PEX5L: variants seen among roughly 807,000 people sequenced by gnomAD.
PEX5L encodes peroxisomal biogenesis factor 5 like.
In PEX5L, 30 loss-of-function variants were observed where a neutral mutation model predicts 84.0. That is an observed-to-expected ratio of 0.36 (90% CI 0.27 to 0.48). The LOEUF is 0.48. PEX5L is among the 20% of genes least tolerant of loss of function. The pLI is 0.99. For synonymous variants in PEX5L, 270 were observed against 283.1 expected (o/e 0.95, Z 0.46); for missense variants, 533 against 754.6 (o/e 0.71, Z 3.44).
chr3:179,966,282 GTTC>G (rs1783317619), intron 2 of PEX5L, among the ~76,000 whole-genome samples: 1 of 152,132 alleles, frequency 6.6e-6, no homozygotes, highest in Non-Finnish European at 1.5e-5. Flanking sequence ...GGAGGTTTCT[GTTC>G]TTCTGACCAA....
At chr3:180,029,458 CAT>C (rs1202041889) in intron 1 of PEX5L, among the ~76,000 whole-genome samples, 1 of 152,098 alleles carries the variant, frequency 6.6e-6, no homozygotes, top group Non-Finnish European at 1.5e-5. Context: ...GGTGAAGCAT[CAT>C]AGGTTTGTTG....
At chr3:179,929,299 G>A (rs1772343891) in intron 2 of PEX5L, among the ~76,000 whole-genome samples, 1 of 152,102 alleles carries the variant, frequency 6.6e-6, no homozygotes, top group African/African-American at 2.4e-5. Flanking sequence ...TGGAAAATCT[G>A]TGATGGAAAA....
chr3:179,803,511 T>C (rs916498775), intron 14 of PEX5L, among the ~76,000 whole-genome samples: 1 of 152,194 alleles, frequency 6.6e-6, no homozygotes, highest in Non-Finnish European at 1.5e-5. Context: ...AGCCCACTAG[T>C]CCACTCTGTT....
At chr3:179,894,937 C>G (rs569506322) in intron 3 of PEX5L, among the ~76,000 whole-genome samples, 3 of 152,030 alleles carry the variant, frequency 2.0e-5, no homozygotes, top group Admixed American at 6.6e-5. Flanking sequence ...TCACTAAAGT[C>G]ATTTCATTCT....
intron 13 of PEX5L, 24 bp from the exon 14 acceptor site, chr3:179,807,855 T>TAACA: frequency 6.2e-7 from 1 of 1,605,806 alleles, no homozygotes; most frequent in East Asian, 2.2e-5. Context: ...CAGAACTTTC[T>TAACA]AACAACCCAG....
intron 1 of PEX5L, among the ~76,000 whole-genome samples, chr3:179,998,878 G>T (rs1788131656): frequency 6.6e-6 from 1 of 152,180 alleles, no homozygotes; most frequent in South Asian, 2.1e-4. Flanking sequence ...AGTTCCCTAT[G>T]GTCAGTTGAC....
chr3:180,000,880 T>C (rs1788337787), intron 1 of PEX5L, among the ~76,000 whole-genome samples: 1 of 152,186 alleles, frequency 6.6e-6, no homozygotes, highest in South Asian at 2.1e-4. Flanking sequence ...AGATTATGTG[T>C]GATCTCAGGA....
chr3:179,890,327 G>GT (rs768345375), intron 3 of PEX5L, among the ~76,000 whole-genome samples: 12 of 152,160 alleles, frequency 7.9e-5, no homozygotes, highest in Non-Finnish European at 1.5e-4. Context: ...AGAAATTATT[G>GT]TAACAGGGTT....
intron 1 of PEX5L, among the ~76,000 whole-genome samples, chr3:180,031,335 T>C (rs1487015656): frequency 6.6e-6 from 1 of 152,068 alleles, no homozygotes; most frequent in Non-Finnish European, 1.5e-5. Context: ...AAGGGGATGG[T>C]ATAGGTGAGG....
chr3:179,873,443 G>C lies in PEX5L; in HGVS notation c.726+884C>G, dbSNP rs557502530. Reference sequence around the variant, plus strand: ...ATCTCAACTAGATTGTAGAATGCATGAATTTGGATGCACACAACTTATGAT... The same window carrying C: ...ATCTCAACTAGATTGTAGAATGCATCAATTTGGATGCACACAACTTATGAT... On this transcript the variant is annotated intron_variant, in intron 7 of 14. Coordinates refer to ENST00000467460, the MANE Select transcript of PEX5L (RefSeq NM_016559.3). Among the ~76,000 whole-genome samples the C allele has an allele frequency of 2.0e-4, 30 of 152,218 alleles. 1 individual carries two copies. The highest frequency in any genetic ancestry group is 6.7e-4 in the African/African-American group (28 of 41,538).
At position 179,968,671 on chromosome 3, in the gene PEX5L, A is replaced by C. The variant is rs559881830; in HGVS notation, c.93+2923T>G. Among the ~76,000 whole-genome samples the C allele has an allele frequency of 6.6e-5, 10 of 151,254 alleles. No individual in the cohort carries two copies. The South Asian group carries it at 1.7e-3, about 25-fold the overall frequency. The stretch of plus-strand genomic sequence containing the variant: ...GGTGGAAAATATGGACTCTGACCCC[A>C]GTGTGATACATTTCTATTTAAATGA... On this transcript the variant is annotated intron_variant, in intron 2 of 14. Transcript: ENST00000467460.
At chr3:179,882,446 G>T (rs981966340) in intron 4 of PEX5L, among the ~76,000 whole-genome samples, 3 of 152,170 alleles carry the variant, frequency 2.0e-5, no homozygotes, top group African/African-American at 7.2e-5. Context: ...TTGCAAATGT[G>T]AAACAAATGC....
intron 2 of PEX5L, among the ~76,000 whole-genome samples, chr3:179,937,115 A>C (rs1008393051): frequency 6.6e-6 from 1 of 152,156 alleles, no homozygotes; most frequent in Non-Finnish European, 1.5e-5. Flanking sequence ...AATAAGAACA[A>C]ATGTATATAA....
chr3:179,973,333 G>T, intron 1 of PEX5L: 1 of 1,235,372 alleles, frequency 8.1e-7, no homozygotes, highest in Non-Finnish European at 1.0e-6. Flanking sequence ...CCCAGGAACA[G>T]CATTAATAAT....
intron 3 of PEX5L, among the ~76,000 whole-genome samples, chr3:179,897,921 T>G (rs996278547): frequency 1.3e-5 from 2 of 152,168 alleles, no homozygotes; most frequent in Non-Finnish European, 2.9e-5. Flanking sequence ...TTAACTAAAG[T>G]TGAGTAATGA....
chr3:179,990,981 A>AC (rs1477193761), intron 1 of PEX5L, among the ~76,000 whole-genome samples: 1 of 151,970 alleles, frequency 6.6e-6, no homozygotes, highest in Non-Finnish European at 1.5e-5. Context: ...ACTCTATAAT[A>AC]CCCCCAATGG....
intron 8 of PEX5L, among the ~76,000 whole-genome samples, chr3:179,854,763 C>T (rs1743271403): frequency 6.6e-6 from 1 of 152,166 alleles, no homozygotes; most frequent in Non-Finnish European, 1.5e-5. Flanking sequence ...AGGCACCAGA[C>T]ATTGTTCTAG....
At chr3:179,803,644 A>G (rs1329874073) in intron 14 of PEX5L, among the ~76,000 whole-genome samples, 1 of 152,230 alleles carries the variant, frequency 6.6e-6, no homozygotes. Context: ...TTTAATTTGC[A>G]TCCACTTTAC....
rs1577025909 is a variant in PEX5L, at chr3:179,796,836, C to G, written c.*4992G>C. Reference sequence around the variant, plus strand: ...GACCTGTTGATCAAGTCCAGTTTCTCAAGGGACATTTAGCCCAAGCAGCTC... The same window carrying G: ...GACCTGTTGATCAAGTCCAGTTTCTGAAGGGACATTTAGCCCAAGCAGCTC... On this transcript the variant is annotated 3_prime_UTR_variant, in exon 15 of 15. Coordinates refer to ENST00000467460, the MANE Select transcript of PEX5L (RefSeq NM_016559.3). 6.6e-6 allele frequency: 1 copy of G among 152,226 alleles called. No individual in the cohort carries two copies. The highest frequency in any genetic ancestry group is 1.9e-4 in the East Asian group (1 of 5,172). 9.4% of individuals were successfully genotyped at this position (152,226 alleles called of 1,614,324 possible). A position where few individuals can be genotyped will look rare whatever the true frequency, so the allele number is the denominator to read the frequency against.
Sources: gnomAD v4.1 joint callset for allele counts (sites outside exome capture counted in the v4.1 genomes callset) on GRCh38, gnomAD v4.1.1 for gene constraint, MANE v1.5 for transcripts, NCBI Gene and HGNC (gene_info 2026-07-23, HGNC 2026-07-21) for gene names.